Variants in DCC observed in about 807,000 individuals in gnomAD.
DCC encodes the protein netrin receptor DCC.
Under a neutral mutation model 172.5 loss-of-function variants are expected in DCC, and 58 were observed. The ratio of observed to expected loss-of-function variants is 0.34; its 90% confidence interval spans 0.27 to 0.42. The LOEUF (loss-of-function observed/expected upper bound fraction) is 0.42, where lower values mean the gene tolerates loss of function less well. Among genes scored for constraint, DCC ranks in the 10% least tolerant of loss-of-function variants. The probability of loss-of-function intolerance (pLI) is 1.00; values close to 1 mark genes in which losing one functional copy is unlikely to be tolerated. For missense variants in DCC, 1,740 were observed against 1,791.0 expected (o/e 0.97, Z 0.51); for synonymous variants, 709 against 644.5 (o/e 1.10, Z -1.52).
chr18:52,991,528 G>C (rs1255218619), intron 5 of DCC, among the ~76,000 whole-genome samples: 1 of 152,102 alleles, frequency 6.6e-6, no homozygotes, highest in Non-Finnish European at 1.5e-5. Context: ...TCAGCTCTTA[G>C]GCTGAACTTC....
intron 2 of DCC, among the ~76,000 whole-genome samples, chr18:52,807,334 T>C (rs2038107119): frequency 6.6e-6 from 1 of 152,224 alleles, no homozygotes; most frequent in Admixed American, 6.5e-5. Flanking sequence ...GCTAGATTGC[T>C]GATGACTAAG....
intron 9 of DCC, among the ~76,000 whole-genome samples, chr18:53,188,764 A>G (rs2144506102): frequency 6.6e-6 from 1 of 152,310 alleles, no homozygotes; most frequent in South Asian, 2.1e-4. Flanking sequence ...AAAATGCTTC[A>G]GAAAAATCCT....
intron 1 of DCC, among the ~76,000 whole-genome samples, chr18:52,721,649 C>G (rs1294255149): frequency 2.6e-5 from 4 of 152,190 alleles, no homozygotes; most frequent in Non-Finnish European, 4.4e-5. Context: ...CATTTCTCCT[C>G]TTTCATGCCC....
At chr18:52,380,236 T>C (rs1568141725) in intron 1 of DCC, among the ~76,000 whole-genome samples, 2 of 151,888 alleles carry the variant, frequency 1.3e-5, no homozygotes. Flanking sequence ...TTTCAACATA[T>C]ATTTTAGAGG....
chr18:52,999,071 A>G lies in DCC; in HGVS notation c.986-64234A>G, dbSNP rs117371297. Among the ~76,000 whole-genome samples, 1,198 of 152,248 alleles carry G rather than the reference A, an allele frequency of 7.9e-3. 11 individuals carry two copies. The highest frequency in any genetic ancestry group is 0.012 in the Non-Finnish European group (839 of 67,998). On this transcript the variant is annotated intron_variant, in intron 5 of 28. Coordinates refer to ENST00000442544, the MANE Select transcript of DCC (RefSeq NM_005215.4). The stretch of plus-strand genomic sequence containing the variant: ...GCTATGGACACAGTGAGTATTCAAC[A>G]GCTATTGAATGCAAAGGGACTGAAT...
rs1406717170 is a variant in DCC, at chr18:52,921,833, T to TCCC, written c.698-1873_698-1872insCCC. Among the ~76,000 whole-genome samples the TCCC allele has an allele frequency of 2.0e-5, 3 of 151,910 alleles. No individual in the cohort carries two copies. The East Asian group carries it at 5.8e-4, about 29-fold the overall frequency. ...TTTTTTAGCTAGAAGATTAAGTAGA[T>TCCC]CTTGATGTTTTTCACAGGGGATATT... On this transcript the variant is annotated intron_variant, in intron 3 of 28. Coordinates refer to ENST00000442544, the MANE Select transcript of DCC (RefSeq NM_005215.4).
chr18:52,546,569 G>C (rs1163380823), intron 1 of DCC, among the ~76,000 whole-genome samples: 1 of 152,094 alleles, frequency 6.6e-6, no homozygotes, highest in East Asian at 1.9e-4. Context: ...CTGCTGGATA[G>C]AGCGTGGGAG....
chr18:52,573,995 T>G (rs1168402448), intron 1 of DCC, among the ~76,000 whole-genome samples: 1 of 152,170 alleles, frequency 6.6e-6, no homozygotes, highest in African/African-American at 2.4e-5. Flanking sequence ...TTTAACCACA[T>G]GCATAGCCAG....
intron 2 of DCC, among the ~76,000 whole-genome samples, chr18:52,834,349 G>C (rs546245647): frequency 6.6e-6 from 1 of 152,188 alleles, no homozygotes; most frequent in Non-Finnish European, 1.5e-5. Context: ...CTCCAGACCA[G>C]AAACCTTAGC....
At chr18:52,532,849 TA>T (rs905380543) in intron 1 of DCC, among the ~76,000 whole-genome samples, 1 of 152,110 alleles carries the variant, frequency 6.6e-6, no homozygotes, top group African/African-American at 2.4e-5. Flanking sequence ...TGGTTTTTAG[TA>T]TATTCACCAA....
chr18:52,864,692 C>G (rs532508238), intron 2 of DCC, among the ~76,000 whole-genome samples: 1 of 150,974 alleles, frequency 6.6e-6, no homozygotes, highest in African/African-American at 2.4e-5. Context: ...AGCCCCCAAT[C>G]CCCCCAACAG....
chr18:53,448,750 G>A (rs2045369062), intron 22 of DCC, among the ~76,000 whole-genome samples: 1 of 152,154 alleles, frequency 6.6e-6, no homozygotes, highest in African/African-American at 2.4e-5. Context: ...ATACTTGGGA[G>A]GCTGAGGCAA....
intron 1 of DCC, among the ~76,000 whole-genome samples, chr18:52,603,591 TACACACACACAC>T (rs10553153): frequency 2.1e-5 from 3 of 144,610 alleles, no homozygotes; most frequent in African/African-American, 5.1e-5. Flanking sequence ...GTGAAGTTAA[TACACACACACAC>T]ACACACACAC....
Position 52,807,168 on chromosome 18 carries a change from C to G in DCC, c.412+54794C>G, listed in dbSNP as rs531667833. On this transcript the variant is annotated intron_variant, in intron 2 of 28. Coordinates refer to ENST00000442544, the MANE Select transcript of DCC (RefSeq NM_005215.4). ...CGAGGTCGCGCCACTGCACTCCAGC[C>G]TGGTGACAGAGCGAGACTGTCTCAA... Among the ~76,000 whole-genome samples, 238 of 152,252 alleles carry G rather than the reference C, an allele frequency of 1.6e-3. 2 individuals are homozygous for G. Among genetic ancestry groups the G allele is most frequent in the African/African-American group, 5.3e-3 (222 of 41,526 alleles).
intron 23 of DCC, among the ~76,000 whole-genome samples, chr18:53,453,650 T>G (rs954807863): frequency 5.3e-5 from 8 of 152,172 alleles, no homozygotes; most frequent in Non-Finnish European, 1.2e-4. Context: ...AAGATTTCAT[T>G]TTTATTATAT....
At position 52,906,073 on chromosome 18, in the gene DCC, T is replaced by A; in HGVS notation, c.442T>A (p.Ser148Thr). The A allele has an allele frequency of 1.9e-6, 3 of 1,613,126 alleles. No homozygotes were observed. The highest frequency in any genetic ancestry group is 2.5e-6 in the Non-Finnish European group (3 of 1,179,036). Residue 148 changes from serine (S) to threonine (T), a missense_variant, in exon 3 of 29, where the codon TCT (serine) becomes ACT (threonine). By Grantham distance (58) the Ser-to-Thr change is moderately conservative. Transcript: ENST00000442544. ...ACTGAGGTTCCTTTCACAGACAGAATCTGTCACAGCCTTCATGGGAGACAC... is the reference window on the plus strand; with the variant it reads ...ACTGAGGTTCCTTTCACAGACAGAAACTGTCACAGCCTTCATGGGAGACAC... The part of the protein sequence containing the change: ...GPLRFLSQTE[S>T]VTAFMGDTVL...
chr18:53,109,147 T>C (rs1246481579), intron 7 of DCC, among the ~76,000 whole-genome samples: 1 of 151,534 alleles, frequency 6.6e-6, no homozygotes, highest in Non-Finnish European at 1.5e-5. Flanking sequence ...TGATGACTAA[T>C]GAGGGTAGTC....
At chr18:53,439,988 ATC>A (rs1200953542) in intron 22 of DCC, among the ~76,000 whole-genome samples, 4 of 150,850 alleles carry the variant, frequency 2.7e-5, no homozygotes, top group Non-Finnish European at 4.4e-5. Context: ...GATGGTCTCG[ATC>A]TCTTGACCTC....
intron 1 of DCC, among the ~76,000 whole-genome samples, chr18:52,715,602 G>A (rs2036367602): frequency 6.6e-6 from 1 of 152,082 alleles, no homozygotes; most frequent in Non-Finnish European, 1.5e-5. Flanking sequence ...ACCACGCCCG[G>A]CCAGCACTAC....
Sources: allele counts gnomAD v4.1 joint callset (sites outside exome capture counted in the v4.1 genomes callset), GRCh38; gene constraint gnomAD v4.1.1; transcripts MANE v1.5; gene names NCBI Gene and HGNC (gene_info 2026-07-23, HGNC 2026-07-21).